ACLY: variants seen among roughly 807,000 people sequenced by gnomAD.
ACLY encodes ATP-citrate synthase.
A neutral mutation model predicts 133.0 loss-of-function variants in ACLY; 41 were observed. The observed-to-expected ratio is 0.31, with a 90% confidence interval of 0.24 to 0.40. ACLY has a LOEUF of 0.40. Ranked by LOEUF, ACLY falls within the 10% of genes least tolerant of loss-of-function variation. The pLI is 1.00. For synonymous variants in ACLY, 495 were observed against 549.3 expected (o/e 0.90, Z 1.38); for missense variants, 1,046 against 1,453.8 (o/e 0.72, Z 4.56).
intron 22 of ACLY, among the ~76,000 whole-genome samples, chr17:41,877,311 T>C (rs1325327104): frequency 6.6e-6 from 1 of 151,914 alleles, no homozygotes; most frequent in Non-Finnish European, 1.5e-5. Context: ...TGGCTAATTT[T>C]TGTATTTTTT....
upstream of ACLY, among the ~76,000 whole-genome samples, chr17:41,920,933 G>A (rs1484006529): frequency 1.3e-5 from 2 of 151,840 alleles, no homozygotes; most frequent in Admixed American, 6.6e-5. Context: ...GTGGTGGCAG[G>A]TGCCTGTAAT....
intron 23 of ACLY, among the ~76,000 whole-genome samples, chr17:41,872,436 C>G (rs1339018967): frequency 6.6e-6 from 1 of 152,160 alleles, no homozygotes; most frequent in East Asian, 1.9e-4. Context: ...AGCAATTTGC[C>G]TGCCTCAACC....
intron 23 of ACLY, 30 bp downstream of exon 23, chr17:41,873,781 G>T (rs1555625513): frequency 1.3e-6 from 2 of 1,528,098 alleles, no homozygotes; most frequent in Admixed American, 3.9e-5. Context: ...GAGCTGCAGG[G>T]CCCTGTAATC....
rs782644102 is a variant in ACLY, at chr17:41,883,146, C to T, written c.2241G>A (p.Thr747=). The change falls in exon 20 of 29, where the codon ACG becomes ACA. Residue 747 remains threonine (T), a synonymous_variant. Transcript: ENST00000352035. ...CCTCAGAGGAGAACATGGTGGCACA[C>T]GTCCCGATGCACCAGCAGACGATGG... ...TKPIVCWCIG[T]CATMFSSEVQ... The T allele has an allele frequency of 3.2e-5, 52 of 1,613,828 alleles. No individual in the cohort carries two copies. The highest frequency in any genetic ancestry group is 4.3e-5 in the Non-Finnish European group (51 of 1,180,024).
At chr17:41,908,807 C>T (rs2049803799) in intron 6 of ACLY, among the ~76,000 whole-genome samples, 182 bp downstream of exon 6, 1 of 152,148 alleles carries the variant, frequency 6.6e-6, no homozygotes. Flanking sequence ...AGAAGAACTA[C>T]AGTCTTCTGA....
chr17:41,921,376 TG>T (rs2050179784), upstream of ACLY, among the ~76,000 whole-genome samples: 1 of 147,334 alleles, frequency 6.8e-6, no homozygotes, highest in Non-Finnish European at 1.5e-5. Flanking sequence ...CCCAGCTACT[TG>T]GGAGACCGAG....
rs2049688811 is a variant in ACLY, at chr17:41,905,537, C to G, written c.988G>C (p.Glu330Gln). The G allele has an allele frequency of 6.2e-7, 1 of 1,614,172 alleles. No individual in the cohort carries two copies. The highest frequency in any genetic ancestry group is 2.2e-5 in the East Asian group (1 of 44,884). Residue 330 changes from glutamate to glutamine, a missense_variant, in exon 9 of 29, where the codon GAG becomes CAG. Physicochemically the swap from Glu to Gln is conservative, Grantham distance 29 (BLOSUM62 2). Transcript: ENST00000352035. Reference protein sequence around the residue: ...AKTILSLMTREKHPDGKILII... With the variant: ...AKTILSLMTRQKHPDGKILII... The stretch of plus-strand genomic sequence containing the variant: ...AGTATCTCACCATCTGGGTGCTTCT[C>G]TCGGGTCATGAGGGAGAGGATAGTC...
At chr17:41,870,024 G>A (rs1453731538) in intron 25 of ACLY, among the ~76,000 whole-genome samples, 1 of 152,144 alleles carries the variant, frequency 6.6e-6, no homozygotes, top group Non-Finnish European at 1.5e-5. Context: ...GTGTGGGGAG[G>A]CAAAGTATTC....
intron 11 of ACLY, 85 bp downstream of exon 11, chr17:41,901,611 A>C: frequency 8.5e-7 from 1 of 1,179,102 alleles, no homozygotes; most frequent in South Asian, 1.3e-5. Flanking sequence ...AAAGAGCCTA[A>C]GACTGATGCT....
At chr17:41,905,725 G>A (rs1414632227) in intron 8 of ACLY, 67 bp from the exon 9 acceptor site, 1 of 1,593,812 alleles carries the variant, frequency 6.3e-7, no homozygotes, top group African/African-American at 1.3e-5. Context: ...CCTGGTGCCT[G>A]GGAGGACACA....
In ACLY at chr17:41,907,506, A is replaced by G. The variant is rs782105454; in HGVS notation, c.683T>C (p.Ile228Thr). The G allele has an allele frequency of 3.7e-6, 6 of 1,613,940 alleles. No individual in the cohort carries two copies. In the Admixed American group the frequency reaches 1.0e-4, roughly 27 times the overall value. ...AAKVDATADY[I>T]CKVKWGDIEF... ...GATGTCACCCCACTTCACTTTGCAG[A>G]TGTAGTCGGCAGTGGCGTCCACCTT... Residue 228 changes from isoleucine (I) to threonine (T), a missense_variant, in exon 7 of 29, where the codon ATC (isoleucine) becomes ACC (threonine). Physicochemically the swap from Ile to Thr is moderately conservative, Grantham distance 89. Around this residue, in one of 4 missense-constraint regions of ACLY, gnomAD observed 575 missense variants for 804.2 expected, o/e 0.71. Transcript: ENST00000352035.
chr17:41,898,838 A>G, intron 11 of ACLY, 53 bp from the exon 12 acceptor site: 1 of 1,564,452 alleles, frequency 6.4e-7, no homozygotes, highest in Non-Finnish European at 8.7e-7. Context: ...ATAAGGGCCC[A>G]AGTCCATGTG....
chr17:41,897,728 C>G (rs994960781), intron 13 of ACLY, 21 bp downstream of exon 13: 2 of 1,608,648 alleles, frequency 1.2e-6, no homozygotes, highest in Admixed American at 3.4e-5. Flanking sequence ...CTGCAACATG[C>G]CTGAAGCCTC....
At position 41,884,248 on chromosome 17, in the gene ACLY, T is replaced by C; in HGVS notation, c.2099A>G (p.His700Arg). 1 of 1,612,696 alleles carries C rather than the reference T, an allele frequency of 6.2e-7. No individual in the cohort carries two copies. Among genetic ancestry groups the C allele is most frequent in the East Asian group, 2.2e-5 (1 of 44,866 alleles). The stretch of plus-strand genomic sequence containing the variant: ...TGGAGTGTCCTGATAGCGTAACACA[T>C]GATCCATGAATGTGGAGCCCGGGTA... ...DRYPGSTFMD[H>R]VLRYQDTPGV... is the part of the protein sequence containing the mutation. The change falls in exon 19 of 29, where the codon CAT becomes CGT. Residue 700 changes from histidine to arginine, a missense_variant. His to Arg is a conservative substitution (Grantham distance 29, BLOSUM62 0). Around this residue, in one of 4 missense-constraint regions of ACLY, gnomAD observed 575 missense variants for 804.2 expected, o/e 0.71. Transcript: ENST00000352035.
At chr17:41,868,620 G>T (rs879975069) in intron 28 of ACLY, 89 bp downstream of exon 28, 163 of 669,270 alleles carry the variant, frequency 2.4e-4, no homozygotes, top group Non-Finnish European at 3.3e-4. Context: ...AAAAAAGAAA[G>T]AAAAAGAAAC....
chr17:41,924,031 T>C (rs552247006), intron 1 of ACLY, among the ~76,000 whole-genome samples: 7 of 152,252 alleles, frequency 4.6e-5, no homozygotes, highest in African/African-American at 1.7e-4. Context: ...GGCTGGTCTT[T>C]AACTCCAGAC....
chr17:41,898,733 C>G lies in ACLY; in HGVS notation c.1236G>C (p.Thr412=). ...IHVFGTETHM[T]AIVGMALGHR... is the part of the protein sequence containing the mutation. ...GGCCCAGGGCCATGCCCACAATGGCCGTCATGTGAGTCTCTGTGCCAAAGA... is the reference window on the plus strand; with the variant it reads ...GGCCCAGGGCCATGCCCACAATGGCGGTCATGTGAGTCTCTGTGCCAAAGA... The change falls in exon 12 of 29, where the codon ACG becomes ACC. Residue 412 remains threonine (T), a synonymous_variant. Coordinates refer to ENST00000352035, the MANE Select transcript of ACLY (RefSeq NM_001096.3). 1 of 1,613,968 alleles carries G rather than the reference C, an allele frequency of 6.2e-7. No homozygotes were observed. Among genetic ancestry groups the G allele is most frequent in the Non-Finnish European group, 8.5e-7 (1 of 1,179,980 alleles).
At chr17:41,881,665 C>G (rs200552882) in intron 20 of ACLY, among the ~76,000 whole-genome samples, 1 of 152,170 alleles carries the variant, frequency 6.6e-6, no homozygotes, top group East Asian at 1.9e-4. Context: ...GATCTGATCT[C>G]AGCTCACTGC....
At chr17:41,878,993 G>A (rs528412261) in intron 20 of ACLY, 69 bp from the exon 21 acceptor site, 59 of 1,593,136 alleles carry the variant, frequency 3.7e-5, no homozygotes, top group African/African-American at 6.7e-5. Flanking sequence ...CATGTAAAGT[G>A]TGCTAAACAC....
Sources: allele counts gnomAD v4.1 joint callset (sites outside exome capture counted in the v4.1 genomes callset), GRCh38; gene constraint gnomAD v4.1.1; regional missense constraint gnomAD v4.1.1; transcripts MANE v1.5; gene names NCBI Gene and HGNC (gene_info 2026-07-23, HGNC 2026-07-21).